The following C14orf39 variants were observed in gnomAD, a reference collection of about 807,000 sequenced individuals.
C14orf39 encodes chromosome 14 open reading frame 39.
Under a neutral mutation model 85.6 loss-of-function variants are expected in C14orf39, and 66 were observed. The ratio of observed to expected loss-of-function variants is 0.77; its 90% CI spans 0.63 to 0.95. The LOEUF is 0.95. Among genes scored for constraint, C14orf39 ranks in the 40% least tolerant of loss-of-function variants. The probability of loss-of-function intolerance (pLI) is 0.00; values close to 1 mark genes in which losing one functional copy is unlikely to be tolerated. For missense variants in C14orf39, 735 were observed against 663.9 expected (o/e 1.11, Z -1.18); for synonymous variants, 242 against 214.0 (o/e 1.13, Z -1.14).
intron 16 of C14orf39, among the ~76,000 whole-genome samples, chr14:60,453,596 A>AT (rs1052609052): frequency 8.0e-5 from 12 of 150,626 alleles, no homozygotes; most frequent in African/African-American, 2.7e-4. Flanking sequence ...TTGTTTTATG[A>AT]TTTTTTTACT....
chr14:60,468,647 T>C (rs943200622), intron 8 of C14orf39, 111 bp from the exon 9 acceptor site: 6 of 507,162 alleles, frequency 1.2e-5, no homozygotes, highest in African/African-American at 8.0e-5. Context: ...ATATTTTTGA[T>C]AGCATTTACT....
chr14:60,508,691 C>T (rs1566690519), intron 1 of C14orf39, among the ~76,000 whole-genome samples: 1 of 152,040 alleles, frequency 6.6e-6, no homozygotes. Context: ...TCGCTTCCCC[C>T]CACCGGCTTC....
intron 11 of C14orf39, among the ~76,000 whole-genome samples, chr14:60,463,579 G>A (rs1242095712): frequency 6.6e-6 from 1 of 151,982 alleles, no homozygotes; most frequent in Non-Finnish European, 1.5e-5. Flanking sequence ...ACTTTTAAGT[G>A]GTAACTTTCA....
intron 11 of C14orf39, among the ~76,000 whole-genome samples, chr14:60,462,367 G>A (rs1300016512): frequency 6.6e-6 from 1 of 152,080 alleles, no homozygotes; most frequent in African/African-American, 2.4e-5. Flanking sequence ...CCAACCTGGA[G>A]GTGACACGGC....
chr14:60,484,521 C>G lies in C14orf39; in HGVS notation c.106+360G>C, dbSNP rs1229077020. Among the ~76,000 whole-genome samples the G allele has an allele frequency of 1.3e-5, 2 of 151,906 alleles. No individual in the cohort carries two copies. The highest frequency in any genetic ancestry group is 4.8e-5 in the African/African-American group (2 of 41,340). ...TTATTCCTGAAAATGTGGCATCTAT[C>G]GATTTTGATCCCTGATTTCTGGTGG... On this transcript the variant is annotated intron_variant, in intron 3 of 17. Coordinates refer to ENST00000321731, the MANE Select transcript of C14orf39 (RefSeq NM_174978.3). The surrounding 1 kb of genome is among the most constrained non-coding windows in gnomAD (Gnocchi z 4.2).
intron 1 of C14orf39, chr14:60,509,465 G>A: frequency 1.9e-6 from 3 of 1,600,486 alleles, no homozygotes; most frequent in Non-Finnish European, 2.5e-6. Context: ...GACCCTGGAA[G>A]AGAGCGGCGA....
At chr14:60,477,843 T>G (rs1892456421) in intron 5 of C14orf39, among the ~76,000 whole-genome samples, 3 of 152,062 alleles carry the variant, frequency 2.0e-5, no homozygotes, top group Admixed American at 6.6e-5. Flanking sequence ...AGGTAGATGT[T>G]CCACTGCACC....
At chr14:60,479,611 T>C (rs1219906590) in intron 4 of C14orf39, among the ~76,000 whole-genome samples, 1 of 152,206 alleles carries the variant, frequency 6.6e-6, no homozygotes, top group Non-Finnish European at 1.5e-5. Flanking sequence ...TATAAGCCTT[T>C]TGATGTACAT....
intron 5 of C14orf39, among the ~76,000 whole-genome samples, chr14:60,477,904 G>A (rs989833247): frequency 4.6e-5 from 7 of 152,090 alleles, no homozygotes; most frequent in Admixed American, 2.0e-4. Flanking sequence ...TCCTGGCTGG[G>A]CATGGTGGGT....
upstream of C14orf39, among the ~76,000 whole-genome samples, chr14:60,490,526 G>T (rs896256951): frequency 6.6e-6 from 1 of 151,948 alleles, no homozygotes; most frequent in Admixed American, 6.6e-5. Context: ...TGGGAGGCTG[G>T]GGCGGGAAGA....
intron 16 of C14orf39, among the ~76,000 whole-genome samples, chr14:60,445,533 A>C (rs1254328): frequency 0.37 from 56,116 of 151,992 alleles, 11,394 homozygotes; most frequent in East Asian, 0.69. Flanking sequence ...AATATATATG[A>C]ACCCAATACA....
chr14:60,496,187 A>C, intron 2 of C14orf39: 1 of 441,022 alleles, frequency 2.3e-6, no homozygotes, highest in South Asian at 1.7e-5. Context: ...ATGTGAGTAC[A>C]GGAGATTCAC....
chr14:60,484,763 G>C lies in C14orf39; in HGVS notation c.106+118C>G, dbSNP rs949313907. On this transcript the variant is annotated intron_variant, in intron 3 of 17. Coordinates refer to ENST00000321731, the MANE Select transcript of C14orf39 (RefSeq NM_174978.3). This position sits in a 1 kb window ranked among gnomAD's most constrained non-coding sequence, Gnocchi z 4.2. ...GGTAAATAGTTTATTTGTCGCTAGA[G>C]AGAACTGACACAAAAGTTATAACGC... is the stretch of plus-strand genomic sequence containing the variant. The C allele has an allele frequency of 7.2e-6, 5 of 690,260 alleles. No individual in the cohort carries two copies. Among genetic ancestry groups the C allele is most frequent in the African/African-American group, 1.9e-5 (1 of 54,010 alleles). The allele number at this position is 690,260 out of a possible 1,614,324, so 42.8% of individuals were successfully genotyped here.
At chr14:60,460,408 G>A (rs1891465423) in intron 13 of C14orf39, among the ~76,000 whole-genome samples, 1 of 151,612 alleles carries the variant, frequency 6.6e-6, no homozygotes. Flanking sequence ...ATATTGTGTT[G>A]GATGAATCCT....
intron 2 of C14orf39, among the ~76,000 whole-genome samples, chr14:60,498,013 G>A (rs908861826): frequency 1.3e-5 from 2 of 152,188 alleles, no homozygotes; most frequent in Non-Finnish European, 2.9e-5. Flanking sequence ...CAGAAAAGTA[G>A]AGATAATGAA....
intron 2 of C14orf39, chr14:60,495,580 T>C (rs1893058861): frequency 4.4e-6 from 1 of 229,334 alleles, no homozygotes; most frequent in South Asian, 8.3e-5. Flanking sequence ...CCTGCTCCCA[T>C]TTTGTCCTGG....
intron 17 of C14orf39, among the ~76,000 whole-genome samples, chr14:60,439,168 C>A (rs1397304976): frequency 6.6e-6 from 1 of 152,084 alleles, no homozygotes; most frequent in Non-Finnish European, 1.5e-5. Context: ...CACATGGACC[C>A]CATAAATATG....
chr14:60,503,450 A>G (rs983729585), intron 1 of C14orf39, among the ~76,000 whole-genome samples: 1 of 152,198 alleles, frequency 6.6e-6, no homozygotes, highest in Non-Finnish European at 1.5e-5. Flanking sequence ...CTCAAACTCA[A>G]TTGGAATTAA....
Position 60,469,586 on chromosome 14 carries a change from C to A in C14orf39, c.622G>T (p.Glu208Ter). 1 of 1,514,448 alleles carries A rather than the reference C, an allele frequency of 6.6e-7. No individual in the cohort carries two copies. The allele number at this position is 1,514,448 out of a possible 1,614,324, so 93.8% of individuals were successfully genotyped here. ...HASNLTKSSS[E>*]LKKEVDEMEI... Reference sequence around the variant, plus strand: ...ATTTCATCTACTTCTTTCTTCAATTCGGATGAACTTTTGGTAAGATTGCTG... The same window carrying A: ...ATTTCATCTACTTCTTTCTTCAATTAGGATGAACTTTTGGTAAGATTGCTG... Residue 208 changes from glutamate to a stop codon, truncating the protein, a stop_gained, in exon 8 of 18, where the codon GAA becomes TAA. Coordinates refer to ENST00000321731, the MANE Select transcript of C14orf39 (RefSeq NM_174978.3). LOFTEE classifies it high-confidence loss of function.
Sources: allele counts gnomAD v4.1 joint callset (sites outside exome capture counted in the v4.1 genomes callset), GRCh38; gene constraint gnomAD v4.1.1; non-coding constraint Gnocchi (gnomAD v3.1); transcripts MANE v1.5; gene names NCBI Gene and HGNC (gene_info 2026-07-23, HGNC 2026-07-21).